Variants in SLC66A3 observed in about 807,000 individuals in gnomAD.
SLC66A3 encodes the protein solute carrier family 66 member 3, also known as PQ loop repeat containing 3.
SLC66A3 carries 23 observed loss-of-function variants against 25.5 expected under a neutral mutation model. The ratio of observed to expected loss-of-function variants is 0.90; its 90% CI spans 0.65 to 1.28. SLC66A3 has a LOEUF of 1.28. SLC66A3 is among the 50% of genes most tolerant of loss of function. The probability of loss-of-function intolerance (pLI) is 0.00; values close to 1 mark genes in which losing one functional copy is unlikely to be tolerated. For missense variants in SLC66A3, 246 were observed against 262.1 expected (o/e 0.94, Z 0.42); for synonymous variants, 108 against 112.6 (o/e 0.96, Z 0.26).
intron 6 of SLC66A3, among the ~76,000 whole-genome samples, chr2:11,177,401 A>G (rs1662794387): frequency 6.6e-6 from 1 of 151,806 alleles, no homozygotes; most frequent in Non-Finnish European, 1.5e-5. Flanking sequence ...TGGAGGTTGC[A>G]GTGAGCCAAG....
chr2:11,175,853 T>C (rs1662720465), intron 6 of SLC66A3, among the ~76,000 whole-genome samples: 1 of 152,220 alleles, frequency 6.6e-6, no homozygotes, highest in Non-Finnish European at 1.5e-5. Context: ...GTCCCCAGCA[T>C]GTAGACCTTT....
intron 3 of SLC66A3, among the ~76,000 whole-genome samples, chr2:11,161,021 C>A (rs1046991454): frequency 6.6e-6 from 1 of 152,104 alleles, no homozygotes; most frequent in African/African-American, 2.4e-5. Context: ...TAATGTCCTC[C>A]GAGGATTGGA....
chr2:11,164,299 G>C (rs201863256), intron 4 of SLC66A3, 38 bp downstream of exon 4: 5 of 1,028,418 alleles, frequency 4.9e-6, no homozygotes, highest in Non-Finnish European at 7.0e-6. Flanking sequence ...GGAGGAATAA[G>C]CTACCTTGGA....
At chr2:11,160,161 T>C (rs959047535) in intron 1 of SLC66A3, 1 of 442,362 alleles carries the variant, frequency 2.3e-6, no homozygotes, top group African/African-American at 2.0e-5. Flanking sequence ...CCCAGTCTCA[T>C]ATTCTTGCTC....
intron 4 of SLC66A3, among the ~76,000 whole-genome samples, chr2:11,168,546 T>C (rs920499714): frequency 2.0e-5 from 3 of 152,126 alleles, no homozygotes; most frequent in Non-Finnish European, 4.4e-5. Flanking sequence ...GGGACCCTGA[T>C]GTGTGTGAAC....
intron 4 of SLC66A3, among the ~76,000 whole-genome samples, chr2:11,169,599 T>C (rs1662472404): frequency 6.6e-6 from 1 of 152,034 alleles, no homozygotes; most frequent in African/African-American, 2.4e-5. Flanking sequence ...TGCTGGTTCC[T>C]CCTCAGCTCC....
intron 1 of SLC66A3, among the ~76,000 whole-genome samples, chr2:11,159,909 C>G (rs1213003927): frequency 1.3e-5 from 2 of 152,190 alleles, no homozygotes; most frequent in African/African-American, 4.8e-5. Flanking sequence ...TTCACGCTTT[C>G]CCCCACTGCC....
chr2:11,156,960 G>A (rs968702995), intron 1 of SLC66A3, among the ~76,000 whole-genome samples: 1 of 152,194 alleles, frequency 6.6e-6, no homozygotes, highest in Admixed American at 6.5e-5. Context: ...GAGGGGACAA[G>A]GGCATGAAAG....
intron 3 of SLC66A3, among the ~76,000 whole-genome samples, chr2:11,163,966 G>C (rs1012291796): frequency 6.6e-6 from 1 of 152,166 alleles, no homozygotes; most frequent in African/African-American, 2.4e-5. Flanking sequence ...GTCCATGAGC[G>C]TGGGTGTCTT....
At chr2:11,158,927 G>C (rs191112191) in intron 1 of SLC66A3, among the ~76,000 whole-genome samples, 2 of 152,222 alleles carry the variant, frequency 1.3e-5, no homozygotes, top group Non-Finnish European at 2.9e-5. Flanking sequence ...GGGAGTAGAC[G>C]GCAAAACCTG....
intron 4 of SLC66A3, 105 bp from the exon 5 acceptor site, chr2:11,171,820 G>C (rs531650340): frequency 8.5e-7 from 1 of 1,170,162 alleles, no homozygotes; most frequent in Non-Finnish European, 1.2e-6. Flanking sequence ...TGCCTGCCTC[G>C]GCCTCCCAAA....
chr2:11,174,922 A>G (rs771669066), intron 5 of SLC66A3, 46 bp from the exon 6 acceptor site: 3 of 1,480,974 alleles, frequency 2.0e-6, no homozygotes, highest in Middle Eastern at 1.8e-4. Context: ...AAGCCCCAAA[A>G]TGTCCGAGAG....
At chr2:11,176,890 T>TATC (rs77557860) in intron 6 of SLC66A3, among the ~76,000 whole-genome samples, 65,862 of 151,778 alleles carry the variant, frequency 0.43, 15,224 homozygotes, top group South Asian at 0.53. Flanking sequence ...AACACAAAGA[T>TATC]ATCTTAAATC....
Position 11,165,558 on chromosome 2 carries a change from C to T in SLC66A3, c.354+1297C>T, listed in dbSNP as rs1447949604. Among the ~76,000 whole-genome samples the T allele has an allele frequency of 1.8e-4, 28 of 152,176 alleles. 1 individual carries two copies. Among genetic ancestry groups the T allele is most frequent in the Non-Finnish European group, 1.0e-4 (7 of 67,964 alleles). ...TGGGCAGCCGGGCAGAGGGGCTCCT[C>T]ACATCCCAGACGATGGGCGGCCAGG... is the stretch of plus-strand genomic sequence containing the variant. On this transcript the variant is annotated intron_variant, in intron 4 of 6. Coordinates refer to ENST00000295083, the MANE Select transcript of SLC66A3 (RefSeq NM_152391.5).
rs1553289087 is a variant in SLC66A3, at chr2:11,164,327, T to TTATATATACA, written c.354+74_354+75insCATATATATA. On this transcript the variant is annotated intron_variant, in intron 4 of 6. Transcript: ENST00000295083. ...ACCTTGGAGAGAACTTGATAGATAT[T>TTATATATACA]TATATATATATATATATATTTTTTT... 134 of 176,124 alleles carry TTATATATACA rather than the reference T, an allele frequency of 7.6e-4. 10 individuals carry two copies. Among genetic ancestry groups the TTATATATACA allele is most frequent in the East Asian group, 5.1e-4 (2 of 3,916 alleles). The allele number at this position is 176,124 out of a possible 1,614,324, so 10.9% of individuals were successfully genotyped here. A position where few individuals can be genotyped will look rare whatever the true frequency, so the allele number is the denominator to read the frequency against.
intron 1 of SLC66A3, among the ~76,000 whole-genome samples, chr2:11,159,273 C>T (rs1011394947): frequency 2.6e-5 from 4 of 152,158 alleles, no homozygotes; most frequent in Admixed American, 6.5e-5. Flanking sequence ...GGCTCAATCT[C>T]CCAGGGGAAC....
At chr2:11,157,357 G>A (rs73915344) in intron 1 of SLC66A3, among the ~76,000 whole-genome samples, 6,759 of 152,294 alleles carry the variant, frequency 0.044, 417 homozygotes, top group African/African-American at 0.14. Flanking sequence ...GGGCTCTGTC[G>A]GGGCTGGTGC....
chr2:11,172,589 G>C (rs1175860232), intron 5 of SLC66A3, among the ~76,000 whole-genome samples: 2 of 152,076 alleles, frequency 1.3e-5, no homozygotes, highest in Non-Finnish European at 2.9e-5. Flanking sequence ...CACATTAGTT[G>C]GATTTACTAG....
At chr2:11,174,662 A>G (rs1326683989) in intron 5 of SLC66A3, among the ~76,000 whole-genome samples, 2 of 151,970 alleles carry the variant, frequency 1.3e-5, no homozygotes, top group Non-Finnish European at 2.9e-5. Context: ...ACACCTGGCT[A>G]ATTTTTGTAT....
Sources: gnomAD v4.1 joint callset for allele counts (sites outside exome capture counted in the v4.1 genomes callset) on GRCh38, gnomAD v4.1.1 for gene constraint, MANE v1.5 for transcripts, NCBI Gene and HGNC (gene_info 2026-07-23, HGNC 2026-07-21) for gene names.